MYO7A: variants seen among roughly 807,000 people sequenced by gnomAD.
The protein encoded by MYO7A is unconventional myosin-VIIa.
MYO7A carries 210 observed loss-of-function variants against 263.8 expected under a neutral mutation model. The observed-to-expected ratio is 0.80, with a 90% CI of 0.71 to 0.89. The LOEUF (loss-of-function observed/expected upper bound fraction) is 0.89, where lower values mean the gene tolerates loss of function less well. MYO7A is among the 40% of genes least tolerant of loss of function. The pLI, the probability that MYO7A is intolerant of heterozygous loss-of-function variation, is 0.00. For missense variants in MYO7A, 2,820 were observed against 2,968.3 expected, an observed-to-expected ratio of 0.95 and a Z score of 1.16; for synonymous variants, 1,239 against 1,197.3, an observed-to-expected ratio of 1.03 and a Z score of -0.72.
Position 77,147,809 on chromosome 11 carries a change from C to T in MYO7A, c.144C>T (p.Ile48=). 1 of 1,610,402 alleles carries T rather than the reference C, an allele frequency of 6.2e-7. No homozygotes were observed. Among genetic ancestry groups the T allele is most frequent in the Non-Finnish European group, 8.5e-7 (1 of 1,178,926 alleles). Reference sequence around the variant, plus strand: ...CTGGCTCCCCGCAGGAACACTGGATCTCTCCGCAGAACGCAACGCACATCA... The same window carrying T: ...CTGGCTCCCCGCAGGAACACTGGATTTCTCCGCAGAACGCAACGCACATCA... ...VVDDEDNEHW[I]SPQNATHIKP... Residue 48 remains isoleucine (I), a synonymous_variant, in exon 4 of 49, where the codon ATC becomes ATT. Coordinates refer to ENST00000409709, the MANE Select transcript of MYO7A (RefSeq NM_000260.4).
intron 4 of MYO7A, among the ~76,000 whole-genome samples, chr11:77,152,822 C>T (rs1952090013): frequency 6.6e-6 from 1 of 151,984 alleles, no homozygotes; most frequent in African/African-American, 2.4e-5. Context: ...CTGGAGGAGG[C>T]ATCGTCTCCG....
At position 77,182,575 on chromosome 11, in the gene MYO7A, T is replaced by A. The variant is rs375050157; in HGVS notation, c.3260T>A (p.Leu1087Gln). ...TLGKKTYKRE[L>Q]QALQGEGEAQ... is the part of the protein sequence containing the mutation. ...GGCAAGAAGACGTACAAGAGGGAGC[T>A]GCAGGCCCTGCAGGGCGAGGGCGAG... Residue 1087 changes from leucine (L) to glutamine (Q), a missense_variant, in exon 25 of 49, where the codon CTG becomes CAG. Leu to Gln is a moderately radical substitution (Grantham distance 113). Coordinates refer to ENST00000409709, the MANE Select transcript of MYO7A (RefSeq NM_000260.4). The A allele has an allele frequency of 5.3e-5, 86 of 1,612,956 alleles. No individual in the cohort carries two copies. The highest frequency in any genetic ancestry group is 7.0e-5 in the Non-Finnish European group (83 of 1,179,842).
Position 77,194,520 on chromosome 11 carries a change from A to T in MYO7A, c.4319A>T (p.Lys1440Met). 1 of 1,594,510 alleles carries T rather than the reference A, an allele frequency of 6.3e-7. No homozygotes were observed. Among genetic ancestry groups the T allele is most frequent in the Non-Finnish European group, 8.5e-7 (1 of 1,170,932 alleles). ...GCCCAGCTGGCCATCGCCGCCCACAAGAAGGTAGAAGGGCTGAGAGGAGTC... is the reference window on the plus strand; with the variant it reads ...GCCCAGCTGGCCATCGCCGCCCACATGAAGGTAGAAGGGCTGAGAGGAGTC... Reference protein sequence around the residue: ...KWAQLAIAAHKKGIYAQRRTD... With the variant: ...KWAQLAIAAHMKGIYAQRRTD... The change falls in exon 32 of 49, where the codon AAG (lysine) becomes ATG (methionine). Residue 1440 changes from lysine to methionine, a missense_variant. By Grantham distance (95) the Lys-to-Met change is moderately conservative (BLOSUM62 -1). Transcript: ENST00000409709.
At chr11:77,199,920 G>T (rs1261646695) in intron 35 of MYO7A, 102 bp downstream of exon 35, 4 of 1,193,944 alleles carry the variant, frequency 3.4e-6, no homozygotes, top group Non-Finnish European at 4.5e-6. Flanking sequence ...TGGAGGCTGG[G>T]AGATTTATGA....
intron 44 of MYO7A, chr11:77,209,081 C>T (rs1591498068): frequency 1.5e-5 from 6 of 412,450 alleles, no homozygotes; most frequent in African/African-American, 6.0e-5. Context: ...TATCCTCTGA[C>T]TTCGAGATTC....
Position 77,204,075 on chromosome 11 carries a change from G to T in MYO7A, c.5327-1G>T. The T allele has an allele frequency of 3.1e-6, 5 of 1,598,954 alleles. No homozygotes were observed. The highest frequency in any genetic ancestry group is 4.3e-6 in the Non-Finnish European group (5 of 1,172,940). Reference sequence around the variant, plus strand: ...ACAAGCCCTTCCTTGACAGTCCCCAGCTGTGCTCAAGTACATGGGCGACTA... The same window carrying T: ...ACAAGCCCTTCCTTGACAGTCCCCATCTGTGCTCAAGTACATGGGCGACTA... On this transcript the variant is annotated splice_acceptor_variant, in intron 38 of 48. Transcript: ENST00000409709. LOFTEE classifies it high-confidence loss of function.
At position 77,130,608 on chromosome 11, in the gene MYO7A, G is replaced by C. The variant is rs781942154; in HGVS notation, c.-27G>C. 3 of 1,612,702 alleles carry C rather than the reference G, an allele frequency of 1.9e-6. No individual in the cohort carries two copies. Among genetic ancestry groups the C allele is most frequent in the Non-Finnish European group, 2.5e-6 (3 of 1,179,410 alleles). On this transcript the variant is annotated 5_prime_UTR_variant, in exon 2 of 49. Coordinates refer to ENST00000409709, the MANE Select transcript of MYO7A (RefSeq NM_000260.4). The stretch of plus-strand genomic sequence containing the variant: ...CTGCAGAACTGTGCCTGGCCCAGTG[G>C]GCAGCAGGAGCTCCTGACTTGGGAC...
At chr11:77,189,998 T>C in intron 28 of MYO7A, 22 bp from the exon 29 acceptor site, 2 of 1,512,572 alleles carry the variant, frequency 1.3e-6, no homozygotes, top group East Asian at 2.5e-5. Context: ...AGGGGCCGCC[T>C]CAGCGGGTAC....
chr11:77,193,477 A>G (rs1956392701), intron 31 of MYO7A, among the ~76,000 whole-genome samples: 1 of 145,086 alleles, frequency 6.9e-6, no homozygotes, highest in Non-Finnish European at 1.5e-5. Context: ...GTTGGTAGTG[A>G]TGATGGTGGT....
intron 35 of MYO7A, among the ~76,000 whole-genome samples, chr11:77,200,829 C>G (rs918169049): frequency 5.3e-5 from 8 of 152,248 alleles, no homozygotes; most frequent in African/African-American, 1.9e-4. Context: ...GACCCACCAT[C>G]TTCAAGTGAT....
intron 4 of MYO7A, among the ~76,000 whole-genome samples, chr11:77,151,715 TAGAG>T (rs1951980505): frequency 6.6e-6 from 1 of 152,200 alleles, no homozygotes; most frequent in Non-Finnish European, 1.5e-5. Flanking sequence ...CCTGAATCCT[TAGAG>T]AGATTGGCCA....
At chr11:77,189,511 A>G in intron 28 of MYO7A, 41 bp downstream of exon 28, 1 of 1,612,318 alleles carries the variant, frequency 6.2e-7, no homozygotes, top group Non-Finnish European at 8.5e-7. Context: ...AAGGGGAGCT[A>G]GGCCCTGTCC....
At chr11:77,189,008 C>T (rs1437017506) in intron 27 of MYO7A, among the ~76,000 whole-genome samples, 2 of 152,170 alleles carry the variant, frequency 1.3e-5, no homozygotes, top group Non-Finnish European at 2.9e-5. Flanking sequence ...GAGGCAGAGG[C>T]GGGGACTGTG....
chr11:77,148,250 G>A (rs1274247249), intron 4 of MYO7A, among the ~76,000 whole-genome samples: 1 of 152,226 alleles, frequency 6.6e-6, no homozygotes, highest in East Asian at 1.9e-4. Flanking sequence ...GGAGGCCAGG[G>A]TGGAGTCAGT....
chr11:77,136,327 T>C (rs1950901702), intron 2 of MYO7A, among the ~76,000 whole-genome samples: 2 of 152,230 alleles, frequency 1.3e-5, no homozygotes, highest in Admixed American at 1.3e-4. Context: ...AGAGTCTCTG[T>C]CTTTGCCACT....
intron 27 of MYO7A, among the ~76,000 whole-genome samples, chr11:77,187,336 A>G (rs1955721674): frequency 6.6e-6 from 1 of 152,214 alleles, no homozygotes; most frequent in Non-Finnish European, 1.5e-5. Context: ...TGCAAAGTGT[A>G]ATAAAGTGAA....
chr11:77,172,396 G>A (rs946743429), intron 15 of MYO7A, among the ~76,000 whole-genome samples: 23 of 152,184 alleles, frequency 1.5e-4, no homozygotes, highest in Non-Finnish European at 2.9e-4. Context: ...CTTTATACAG[G>A]GAAGGGAGGG....
chr11:77,202,455 C>G, intron 37 of MYO7A, 31 bp downstream of exon 37: 1 of 1,546,182 alleles, frequency 6.5e-7, no homozygotes, highest in Non-Finnish European at 8.7e-7. Flanking sequence ...ATGGGAGCCA[C>G]AGGGCTAGGA....
chr11:77,214,663 G>T lies in MYO7A; in HGVS notation c.6615G>T (p.Met2205Ile), dbSNP rs200359303. The change falls in exon 49 of 49, where the codon ATG (methionine) becomes ATT (isoleucine). Residue 2205 changes from methionine to isoleucine, a missense_variant. By Grantham distance (10) the Met-to-Ile change is conservative (BLOSUM62 1). Transcript: ENST00000409709. ...TSYISQMLTA[M>I]SKQRGSRSGK Reference sequence around the variant, plus strand: ...ACATTAGCCAGATGCTCACAGCCATGAGCAAACAGCGGGGCTCCAGGAGCG... The same window carrying T: ...ACATTAGCCAGATGCTCACAGCCATTAGCAAACAGCGGGGCTCCAGGAGCG... 1 of 1,588,180 alleles carries T rather than the reference G, an allele frequency of 6.3e-7. No individual in the cohort carries two copies. The highest frequency in any genetic ancestry group is 1.2e-5 in the South Asian group (1 of 86,584).
Sources: allele counts gnomAD v4.1 joint callset (sites outside exome capture counted in the v4.1 genomes callset), GRCh38; gene constraint gnomAD v4.1.1; transcripts MANE v1.5; gene names NCBI Gene and HGNC (gene_info 2026-07-23, HGNC 2026-07-21).